The following TRPS1 variants were observed in gnomAD, a reference collection of about 807,000 sequenced individuals.
TRPS1 encodes zinc finger transcription factor Trps1.
Under a neutral mutation model 101.2 loss-of-function variants are expected in TRPS1, and 6 were observed. The ratio of observed to expected loss-of-function variants is 0.06; its 90% CI spans 0.03 to 0.12. The LOEUF (loss-of-function observed/expected upper bound fraction) is 0.12, where lower values mean the gene tolerates loss of function less well. Ranked by LOEUF, TRPS1 falls within the 10% of genes least tolerant of loss-of-function variation. TRPS1 has a pLI of 1.00. For synonymous variants in TRPS1, 578 were observed against 589.8 expected (o/e 0.98, Z 0.29); for missense variants, 1,363 against 1,567.0 (o/e 0.87, Z 2.20).
intron 1 of TRPS1, among the ~76,000 whole-genome samples, chr8:115,648,567 A>G (rs1017939242): frequency 1.3e-5 from 2 of 152,218 alleles, no homozygotes; most frequent in African/African-American, 4.8e-5. Flanking sequence ...CTCTCACCGT[A>G]GCTGCTCCAG....
chr8:115,501,013 T>G (rs113014872), intron 5 of TRPS1, among the ~76,000 whole-genome samples: 1 of 152,132 alleles, frequency 6.6e-6, no homozygotes, highest in Non-Finnish European at 1.5e-5. Flanking sequence ...TTATTCATCT[T>G]GGTTTCGGGG....
At chr8:115,514,590 A>T (rs1374192080) in intron 5 of TRPS1, among the ~76,000 whole-genome samples, 1 of 151,606 alleles carries the variant, frequency 6.6e-6, no homozygotes, top group East Asian at 1.9e-4. Context: ...GAATTATTTT[A>T]AAAATTTCCT....
At chr8:115,429,382 A>G (rs1033709983) in intron 5 of TRPS1, among the ~76,000 whole-genome samples, 4 of 152,190 alleles carry the variant, frequency 2.6e-5, no homozygotes, top group Non-Finnish European at 4.4e-5. Context: ...ATACGTAAAA[A>G]TTCTCTCTTC....
rs1170467380 is a variant in TRPS1 at position 115,409,592 on chromosome 8, A to T, written c.*4431T>A. 2.0e-5 allele frequency: 3 copies of T among 152,108 alleles called. No homozygotes were observed. The highest frequency in any genetic ancestry group is 4.8e-5 in the African/African-American group (2 of 41,440). 9.4% of individuals were successfully genotyped at this position (152,108 alleles called of 1,614,324 possible). ...GGGATGCTTTCTAAGCAACTGCAGCACTATCAGGAACATGTGAGCCCACTG... is the reference window on the plus strand; with the variant it reads ...GGGATGCTTTCTAAGCAACTGCAGCTCTATCAGGAACATGTGAGCCCACTG... On this transcript the variant is annotated 3_prime_UTR_variant, in exon 7 of 7. Transcript: ENST00000395715.
rs1812846582 is a variant in TRPS1 at position 115,413,885 on chromosome 8, A to G, written c.*138T>C. 1.2e-6 allele frequency: 1 copy of G among 842,094 alleles called. No individual in the cohort carries two copies. Among genetic ancestry groups the G allele is most frequent in the Non-Finnish European group, 1.8e-6 (1 of 551,898 alleles). 52.2% of individuals were successfully genotyped at this position (842,094 alleles called of 1,614,324 possible). ...AACCTACTCATCAAAAGAAAGAATA[A>G]CAAAAGAAGGGAATTTCATGTTGGA... On this transcript the variant is annotated 3_prime_UTR_variant, in exon 7 of 7. Coordinates refer to ENST00000395715, the MANE Select transcript of TRPS1 (RefSeq NM_014112.5).
At chr8:115,617,119 C>T (rs1287221398) in intron 3 of TRPS1, among the ~76,000 whole-genome samples, 1 of 152,100 alleles carries the variant, frequency 6.6e-6, no homozygotes, top group East Asian at 1.9e-4. Flanking sequence ...TTTCAAAATC[C>T]AATTGTTTGT....
In TRPS1 at chr8:115,618,395, T is replaced by C. The variant is rs145476710; in HGVS notation, c.966+737A>G. ...AACAGTTTCTTTTTTCCATTTCACA[T>C]ATGCCATAAACTAAAGACAGAAAGA... is the stretch of plus-strand genomic sequence containing the variant. On this transcript the variant is annotated intron_variant, in intron 3 of 6. Coordinates refer to ENST00000395715, the MANE Select transcript of TRPS1 (RefSeq NM_014112.5). Among the ~76,000 whole-genome samples, 55 of 152,302 alleles carry C rather than the reference T, an allele frequency of 3.6e-4. No individual in the cohort carries two copies. The East Asian group carries it at 0.01, about 29-fold the overall frequency.
intron 5 of TRPS1, among the ~76,000 whole-genome samples, chr8:115,500,012 G>C (rs745776422): frequency 4.8e-5 from 7 of 145,896 alleles, no homozygotes; most frequent in Non-Finnish European, 7.5e-5. Flanking sequence ...TTTCTGAAGA[G>C]TGGTCAGCTA....
At chr8:115,444,437 C>T (rs1813681710) in intron 5 of TRPS1, among the ~76,000 whole-genome samples, 1 of 152,212 alleles carries the variant, frequency 6.6e-6, no homozygotes, top group African/African-American at 2.4e-5. Flanking sequence ...TACGTTCTTC[C>T]TATCCATCTT....
intron 5 of TRPS1, among the ~76,000 whole-genome samples, chr8:115,549,046 C>T (rs558021267): frequency 2.0e-5 from 3 of 152,222 alleles, no homozygotes; most frequent in African/African-American, 4.8e-5. Context: ...GGTGCTTTAA[C>T]GTTTTTTAAA....
chr8:115,591,593 T>C (rs1216454808), intron 4 of TRPS1, among the ~76,000 whole-genome samples: 2 of 152,284 alleles, frequency 1.3e-5, no homozygotes, highest in South Asian at 2.1e-4. Flanking sequence ...CAGCAGGAGC[T>C]GCTGTCATCA....
intron 5 of TRPS1, among the ~76,000 whole-genome samples, chr8:115,526,933 T>A (rs556528403): frequency 6.6e-6 from 1 of 152,174 alleles, no homozygotes; most frequent in Non-Finnish European, 1.5e-5. Flanking sequence ...AGAGATACAC[T>A]GATGTGAGGC....
At chr8:115,523,207 G>T (rs570363355) in intron 5 of TRPS1, among the ~76,000 whole-genome samples, 1 of 152,004 alleles carries the variant, frequency 6.6e-6, no homozygotes, top group African/African-American at 2.4e-5. Flanking sequence ...GTAAAGGACC[G>T]GGAAAGGCAA....
intron 5 of TRPS1, among the ~76,000 whole-genome samples, chr8:115,511,923 G>T (rs773979941): frequency 6.6e-6 from 1 of 151,714 alleles, no homozygotes; most frequent in African/African-American, 2.4e-5. Context: ...ATCTTAATAT[G>T]AATCTTAATA....
intron 1 of TRPS1, among the ~76,000 whole-genome samples, chr8:115,634,957 ATTCTCC>A (rs199852049): frequency 0.01 from 1,592 of 152,264 alleles, 38 homozygotes; most frequent in African/African-American, 0.037. Flanking sequence ...TAAAAGTGGA[ATTCTCC>A]TTCATGAAGT....
chr8:115,514,890 T>C (rs954052346), intron 5 of TRPS1, among the ~76,000 whole-genome samples: 1 of 151,772 alleles, frequency 6.6e-6, no homozygotes. Flanking sequence ...TCACAAGATC[T>C]TTATAGTGCC....
At chr8:115,480,403 T>C (rs1299532152) in intron 5 of TRPS1, among the ~76,000 whole-genome samples, 1 of 152,100 alleles carries the variant, frequency 6.6e-6, no homozygotes, top group African/African-American at 2.4e-5. Flanking sequence ...TCTTTTATTA[T>C]AGAGTTTACA....
chr8:115,622,249 T>C (rs747502602), intron 2 of TRPS1, among the ~76,000 whole-genome samples: 2 of 152,110 alleles, frequency 1.3e-5, no homozygotes, highest in South Asian at 4.1e-4. Context: ...CAATGTCTTA[T>C]GTGTTATGTC....
intron 5 of TRPS1, among the ~76,000 whole-genome samples, chr8:115,500,963 A>C (rs1815302980): frequency 6.6e-6 from 1 of 151,488 alleles, no homozygotes; most frequent in Admixed American, 6.6e-5. Flanking sequence ...AATGAACCAG[A>C]CATTCTTCCC....
Sources: allele counts gnomAD v4.1 joint callset (sites outside exome capture counted in the v4.1 genomes callset), GRCh38; gene constraint gnomAD v4.1.1; transcripts MANE v1.5; gene names NCBI Gene and HGNC (gene_info 2026-07-23, HGNC 2026-07-21).